DES: variants seen among roughly 807,000 people sequenced by gnomAD.
The protein encoded by DES is cardiomyopathy, dilated 1F (autosomal dominant).
A neutral mutation model predicts 55.1 loss-of-function variants in DES; 34 were observed. The ratio of observed to expected loss-of-function variants is 0.62; its 90% CI spans 0.47 to 0.82. DES has a LOEUF of 0.82. DES is among the 40% of genes least tolerant of loss of function. The probability of loss-of-function intolerance (pLI) is 0.00; values close to 1 mark genes in which losing one functional copy is unlikely to be tolerated. For missense variants in DES, 596 were observed against 645.9 expected (o/e 0.92, Z 0.84); for synonymous variants, 259 against 270.8 (o/e 0.96, Z 0.43).
rs1158946599 is a variant in DES, at chr2:219,419,088, G to A, written c.578+48G>A. ...TCCTCTTTCTGCGGGCAGGGCACAG[G>A]AGGCTAGGCCTGGGGTCTGGGGTCC... On this transcript the variant is annotated intron_variant, in intron 1 of 8. Transcript: ENST00000373960. This position sits in a 1 kb window ranked among gnomAD's most constrained non-coding sequence, Gnocchi z 4.3. 1 of 1,535,162 alleles carries A rather than the reference G, an allele frequency of 6.5e-7. No homozygotes were observed. Among genetic ancestry groups the A allele is most frequent in the East Asian group, 2.4e-5 (1 of 40,882 alleles).
chr2:219,421,929 G>A (rs1954453511), intron 6 of DES, among the ~76,000 whole-genome samples: 1 of 152,132 alleles, frequency 6.6e-6, no homozygotes, highest in Non-Finnish European at 1.5e-5. Flanking sequence ...GCCTCCCAAA[G>A]TACTGGGATT....
chr2:219,425,575 C>A, intron 7 of DES, 88 bp from the exon 8 acceptor site: 2 of 1,186,230 alleles, frequency 1.7e-6, no homozygotes, highest in Non-Finnish European at 2.5e-6. Flanking sequence ...TAGGGCTCTG[C>A]CCAATGTGGC....
chr2:219,425,318 G>C, intron 7 of DES: 1 of 355,048 alleles, frequency 2.8e-6, no homozygotes, highest in Non-Finnish European at 5.4e-6. Context: ...GGGCTCTCCT[G>C]GGGCCTGGGG....
chr2:219,425,457 G>T, intron 7 of DES: 1 of 598,346 alleles, frequency 1.7e-6, no homozygotes. Context: ...CTAAACTATG[G>T]GACAGGCGCT....
At position 219,418,938 on chromosome 2, in the gene DES, T is replaced by C. The variant is rs1559352425; in HGVS notation, c.476T>C (p.Leu159Pro). The C allele has an allele frequency of 6.4e-7, 1 of 1,556,986 alleles. No homozygotes were observed. Among genetic ancestry groups the C allele is most frequent in the Non-Finnish European group, 8.7e-7 (1 of 1,150,322 alleles). Residue 159 changes from leucine (L) to proline (P), a missense_variant, in exon 1 of 9, where the codon CTG becomes CCG. Coordinates refer to ENST00000373960, the MANE Select transcript of DES (RefSeq NM_001927.4). ...GTGGCCGAGCTCTACGAGGAGGAGC[T>C]GCGGGAGCTGCGGCGCCAGGTGGAG... ...TRVAELYEEE[L>P]RELRRQVEVL...
Position 219,420,248 on chromosome 2 carries a change from C to T in DES, c.640-3C>T, listed in dbSNP as rs1954409769. 1 of 1,614,064 alleles carries T rather than the reference C, an allele frequency of 6.2e-7. No homozygotes were observed. Among genetic ancestry groups the T allele is most frequent in the African/African-American group, 1.3e-5 (1 of 74,916 alleles). On this transcript the variant is annotated splice_region_variant and splice_polypyrimidine_tract_variant and intron_variant, in intron 2 of 8. Coordinates refer to ENST00000373960, the MANE Select transcript of DES (RefSeq NM_001927.4). This position sits in a 1 kb window ranked among gnomAD's most constrained non-coding sequence, Gnocchi z 6.0. ...CATGTCCTTCTCGCTTGGCCTCTCC[C>T]AGGACGTGGATGCAGCTACTCTAGC...
Position 219,418,909 on chromosome 2 carries a change from G to A in DES, c.447G>A (p.Thr149=). The part of the protein sequence containing the change: ...EVNRLKGREP[T]RVAELYEEEL... ...ACCGGCTCAAGGGCCGCGAGCCGAC[G>A]CGAGTGGCCGAGCTCTACGAGGAGG... Residue 149 remains threonine, a synonymous_variant, in exon 1 of 9, where the codon ACG becomes ACA. Coordinates refer to ENST00000373960, the MANE Select transcript of DES (RefSeq NM_001927.4). The A allele has an allele frequency of 6.4e-7, 1 of 1,563,166 alleles. No individual in the cohort carries two copies. Among genetic ancestry groups the A allele is most frequent in the Non-Finnish European group, 8.7e-7 (1 of 1,153,640 alleles).
Position 219,425,998 on chromosome 2 carries a change from G to A in DES, c.*8G>A, listed in dbSNP as rs778910048. 8.7e-6 allele frequency: 14 copies of A among 1,613,876 alleles called. No homozygotes were observed. The highest frequency in any genetic ancestry group is 2.5e-6 in the Non-Finnish European group (3 of 1,179,988). On this transcript the variant is annotated 3_prime_UTR_variant, in exon 9 of 9. Coordinates refer to ENST00000373960, the MANE Select transcript of DES (RefSeq NM_001927.4). ...CAGCATGAAGTGCTCTAAAGACAGA[G>A]ACCCTCTGCCACCAGAGACCGTCCT...
In DES at chr2:219,425,733, A is replaced by G; in HGVS notation, c.1359A>G (p.Thr453=). 1.2e-6 allele frequency: 2 copies of G among 1,604,592 alleles called. No homozygotes were observed. Among genetic ancestry groups the G allele is most frequent in the Non-Finnish European group, 1.7e-6 (2 of 1,175,776 alleles). The change falls in exon 8 of 9, where the codon ACA becomes ACG. Residue 453 remains threonine (T), a synonymous_variant. Coordinates refer to ENST00000373960, the MANE Select transcript of DES (RefSeq NM_001927.4). ...KKTVMIKTIE[T]RDGEVVSEAT... ...CGGTGATGATCAAGACCATCGAGAC[A>G]CGGGATGGGGAGGTAAGTGGTCTGT...
rs757792359 is a variant in DES at position 219,421,433 on chromosome 2, G to A, written c.1117G>A (p.Glu373Lys). 1.2e-6 allele frequency: 2 copies of A among 1,613,994 alleles called. No homozygotes were observed. Among genetic ancestry groups the A allele is most frequent in the African/African-American group, 2.7e-5 (2 of 74,916 alleles). ...GGACAACATTGCGCGCCTGGAGGAG[G>A]AAATCCGGCACCTCAAGGATGAGAT... ...YQDNIARLEE[E>K]IRHLKDEMAR... The change falls in exon 6 of 9, where the codon GAA (glutamate) becomes AAA (lysine). Residue 373 changes from glutamate to lysine, a missense_variant. Transcript: ENST00000373960.
Position 219,425,947 on chromosome 2 carries a change from A to G in DES, c.1372-2A>G, listed in dbSNP as rs1486500423. The G allele has an allele frequency of 3.1e-6, 5 of 1,613,818 alleles. No individual in the cohort carries two copies. Among genetic ancestry groups the G allele is most frequent in the Non-Finnish European group, 4.2e-6 (5 of 1,179,974 alleles). On this transcript the variant is annotated splice_acceptor_variant, in intron 8 of 8. Coordinates refer to ENST00000373960, the MANE Select transcript of DES (RefSeq NM_001927.4). LOFTEE classifies it high-confidence loss of function. ...TTGGACTGGGCTTCTCTTCCTCCCC[A>G]GGTCGTCAGTGAGGCCACACAGCAG...
Position 219,418,702 on chromosome 2 carries a change from C to A in DES, c.240C>A (p.Pro80=). The stretch of plus-strand genomic sequence containing the variant: ...GCCGGCTGGGGACCACCCGCACGCC[C>A]TCCTCCTACGGCGCAGGCGAGCTGC... ...RASRLGTTRT[P]SSYGAGELLD... Residue 80 remains proline, a synonymous_variant, in exon 1 of 9, where the codon CCC becomes CCA. Coordinates refer to ENST00000373960, the MANE Select transcript of DES (RefSeq NM_001927.4). The A allele has an allele frequency of 6.4e-7, 1 of 1,568,300 alleles. No homozygotes were observed. Among genetic ancestry groups the A allele is most frequent in the East Asian group, 2.3e-5 (1 of 42,638 alleles).
chr2:219,420,188 C>G lies in DES; in HGVS notation c.639+33C>G. The stretch of plus-strand genomic sequence containing the variant: ...CCCTTCTTTTCCCCTTGCATGGCCT[C>G]TGGCCTTGCTCTGCCCCACCTGGGT... On this transcript the variant is annotated intron_variant, in intron 2 of 8. Transcript: ENST00000373960. This position sits in a 1 kb window ranked among gnomAD's most constrained non-coding sequence, Gnocchi z 6.0. The G allele has an allele frequency of 6.2e-7, 1 of 1,613,908 alleles. No homozygotes were observed. The highest frequency in any genetic ancestry group is 8.5e-7 in the Non-Finnish European group (1 of 1,179,740).
chr2:219,422,222 G>A (rs1340974537), intron 6 of DES, among the ~76,000 whole-genome samples: 1 of 152,092 alleles, frequency 6.6e-6, no homozygotes, highest in Non-Finnish European at 1.5e-5. Flanking sequence ...GGAGCAGATA[G>A]AGGCAAATAG....
intron 6 of DES, among the ~76,000 whole-genome samples, chr2:219,423,138 A>C (rs1473934647): frequency 6.6e-6 from 1 of 152,140 alleles, no homozygotes; most frequent in Non-Finnish European, 1.5e-5. Flanking sequence ...TGAGCAATGG[A>C]TATCACCCAC....
At position 219,420,376 on chromosome 2, in the gene DES, C is replaced by G; in HGVS notation, c.735+30C>G. The stretch of plus-strand genomic sequence containing the variant: ...ACCTTGGCCCCTCTTCCTGGGGTCA[C>G]TGGGCCATGGGGAAAGCAGCCGGAA... On this transcript the variant is annotated intron_variant, in intron 3 of 8. Coordinates refer to ENST00000373960, the MANE Select transcript of DES (RefSeq NM_001927.4). The surrounding 1 kb of genome is among the most constrained non-coding windows in gnomAD (Gnocchi z 6.0). The G allele has an allele frequency of 6.2e-7, 1 of 1,612,646 alleles. No individual in the cohort carries two copies. The highest frequency in any genetic ancestry group is 8.5e-7 in the Non-Finnish European group (1 of 1,179,136).
rs891718625 is a variant in DES at position 219,425,485 on chromosome 2, C to A, written c.1289-178C>A. ...CAGGCGCTGGGGACTGCAGAACCAC[C>A]TGCTGGGTGCTGGGCTGAAGGAAAG... On this transcript the variant is annotated intron_variant, in intron 7 of 8. Coordinates refer to ENST00000373960, the MANE Select transcript of DES (RefSeq NM_001927.4). 112 of 643,328 alleles carry A rather than the reference C, an allele frequency of 1.7e-4. 7 individuals carry two copies. The highest frequency in any genetic ancestry group is 2.5e-5 in the Non-Finnish European group (9 of 357,696). 39.9% of individuals were successfully genotyped at this position (643,328 alleles called of 1,614,324 possible). A position where few individuals can be genotyped will look rare whatever the true frequency, so the allele number is the denominator to read the frequency against.
chr2:219,420,034 G>A lies in DES; in HGVS notation c.579-61G>A. 6.3e-7 allele frequency: 1 copy of A among 1,594,528 alleles called. No homozygotes were observed. The highest frequency in any genetic ancestry group is 8.6e-7 in the Non-Finnish European group (1 of 1,162,544). ...CCACCCCCTGGTCAGCCCCCGGCCA[G>A]TCGTTTCCACTGCCAGCTTTATCAC... On this transcript the variant is annotated intron_variant, in intron 1 of 8. Coordinates refer to ENST00000373960, the MANE Select transcript of DES (RefSeq NM_001927.4). The surrounding 1 kb of genome is among the most constrained non-coding windows in gnomAD (Gnocchi z 6.0).
chr2:219,425,602 G>A (rs1954520535), intron 7 of DES, 61 bp from the exon 8 acceptor site: 28 of 1,477,416 alleles, frequency 1.9e-5, no homozygotes, highest in Non-Finnish European at 9.3e-7. Context: ...TGGACTCCCA[G>A]CCCCTGGTAT....
Sources: gnomAD v4.1 joint callset for allele counts (sites outside exome capture counted in the v4.1 genomes callset) on GRCh38, gnomAD v4.1.1 for gene constraint, Gnocchi (gnomAD v3.1) non-coding constraint, MANE v1.5 for transcripts, NCBI Gene and HGNC (gene_info 2026-07-23, HGNC 2026-07-21) for gene names.